The following CCDC9 variants were observed in gnomAD, a reference collection of about 807,000 sequenced individuals.
CCDC9 encodes the protein coiled-coil domain-containing protein 9.
CCDC9 carries 52 observed loss-of-function variants against 65.6 expected under a neutral mutation model. The observed-to-expected ratio is 0.79, with a 90% CI of 0.63 to 1.00. CCDC9 has a LOEUF of 1.00. Ranked by LOEUF, CCDC9 falls within the 50% of genes least tolerant of loss-of-function variation. The probability of loss-of-function intolerance (pLI) is 0.00; values close to 1 mark genes in which losing one functional copy is unlikely to be tolerated. For synonymous variants in CCDC9, 332 were observed against 280.3 expected, an observed-to-expected ratio of 1.18 and a Z score of -1.84; for missense variants, 834 against 757.2, an observed-to-expected ratio of 1.10 and a Z score of -1.19.
At position 47,258,574 on chromosome 19, in the gene CCDC9, T is replaced by G; in HGVS notation, c.19T>G (p.Leu7Val). The change falls in exon 3 of 12, where the codon TTG becomes GTG. Residue 7 changes from leucine to valine, a missense_variant. By Grantham distance (32) the Leu-to-Val change is conservative. Transcript: ENST00000221922. MAATLD[L>V]KSKEEKDAEL... ...CCGGTCTCAGGCAGCCACACTCGAT[T>G]TGAAATCAAAGGAGGAGAAGGATGC... is the stretch of plus-strand genomic sequence containing the variant. 1.2e-6 allele frequency: 2 copies of G among 1,614,086 alleles called. No homozygotes were observed. Among genetic ancestry groups the G allele is most frequent in the Non-Finnish European group, 1.7e-6 (2 of 1,179,966 alleles).
At position 47,264,644 on chromosome 19, in the gene CCDC9, TGAG is replaced by T; in HGVS notation, c.508_510del (p.Glu170del). ...GCAGGCAGAACATTGAGAAGATGAA[TGAG>T]GAGATGGAGAAGATCGCCGAGTATG... On this transcript the variant is annotated inframe_deletion, in exon 6 of 12. Coordinates refer to ENST00000221922, the MANE Select transcript of CCDC9 (RefSeq NM_015603.3). 2 of 1,604,828 alleles carry T rather than the reference TGAG, an allele frequency of 1.2e-6. No homozygotes were observed. Among genetic ancestry groups the T allele is most frequent in the Non-Finnish European group, 1.7e-6 (2 of 1,175,910 alleles).
rs2059070602 is a variant in CCDC9 at position 47,264,873 on chromosome 19, G to A, written c.647G>A (p.Ser216Asn). Reference sequence around the variant, plus strand: ...TCTGAGCGGGACCGCCGGGAGGAGAGCCGCCGGCACGGCCGCAACTGGGGG... The same window carrying A: ...TCTGAGCGGGACCGCCGGGAGGAGAACCGCCGGCACGGCCGCAACTGGGGG... ...EESERDRREE[S>N]RRHGRNWGGP... The change falls in exon 7 of 12, where the codon AGC becomes AAC. Residue 216 changes from serine (S) to asparagine (N), a missense_variant. Ser to Asn is a conservative substitution (Grantham distance 46, BLOSUM62 1). Transcript: ENST00000221922. 2.2e-5 allele frequency: 33 copies of A among 1,484,196 alleles called. 1 individual carries two copies. Among genetic ancestry groups the A allele is most frequent in the Non-Finnish European group, 2.9e-5 (33 of 1,119,784 alleles). 91.9% of individuals were successfully genotyped at this position (1,484,196 alleles called of 1,614,324 possible). A position where few individuals can be genotyped will look rare whatever the true frequency, so the allele number is the denominator to read the frequency against.
rs2059036620 is a variant in CCDC9 at position 47,260,317 on chromosome 19, C to G, written c.109-4C>G. On this transcript the variant is annotated splice_region_variant and splice_polypyrimidine_tract_variant and intron_variant, in intron 3 of 11. Transcript: ENST00000221922. The stretch of plus-strand genomic sequence containing the variant: ...GCTTCCCTACCCCGGCTGTCTGCTC[C>G]TAGGAGATTGAGGAAGACCGTAAGA... The G allele has an allele frequency of 1.3e-6, 2 of 1,577,648 alleles. No homozygotes were observed. The highest frequency in any genetic ancestry group is 4.6e-5 in the East Asian group (2 of 43,096).
In CCDC9 at chr19:47,271,313, G is replaced by A. The variant is rs756329425; in HGVS notation, c.1231G>A (p.Asp411Asn). 2 of 1,612,470 alleles carry A rather than the reference G, an allele frequency of 1.2e-6. No homozygotes were observed. Among genetic ancestry groups the A allele is most frequent in the South Asian group, 1.1e-5 (1 of 90,836 alleles). Reference protein sequence around the residue: ...IPAPAHRPPEDEGEENEGEED... With the variant: ...IPAPAHRPPENEGEENEGEED... Reference sequence around the variant, plus strand: ...AGCTCCTGCCCACCGGCCTCCTGAAGACGAGGGGGAAGAGAATGAGGGGGA... The same window carrying A: ...AGCTCCTGCCCACCGGCCTCCTGAAAACGAGGGGGAAGAGAATGAGGGGGA... Residue 411 changes from aspartate to asparagine, a missense_variant, in exon 12 of 12, where the codon GAC becomes AAC. By Grantham distance (23) the Asp-to-Asn change is conservative. Coordinates refer to ENST00000221922, the MANE Select transcript of CCDC9 (RefSeq NM_015603.3).
intron 8 of CCDC9, among the ~76,000 whole-genome samples, chr19:47,270,170 T>A (rs757811550): frequency 6.6e-6 from 1 of 152,102 alleles, no homozygotes; most frequent in African/African-American, 2.4e-5. Flanking sequence ...GGCTTCACCA[T>A]GTTCACCACG....
downstream of CCDC9, chr19:47,273,942 C>A: frequency 1.0e-6 from 1 of 982,088 alleles, no homozygotes; most frequent in Non-Finnish European, 1.2e-6. Context: ...CCTTCTGATC[C>A]GTCTTCCCTC....
At chr19:47,263,410 CT>C (rs1336014037) in intron 5 of CCDC9, among the ~76,000 whole-genome samples, 2 of 152,162 alleles carry the variant, frequency 1.3e-5, no homozygotes, top group African/African-American at 4.8e-5. Flanking sequence ...TCCAAGAGTC[CT>C]TTCCCTGTGG....
downstream of CCDC9, chr19:47,271,980 AC>A: frequency 8.0e-7 from 1 of 1,251,508 alleles, no homozygotes; most frequent in South Asian, 3.6e-5. Context: ...GTGTCCTTGA[AC>A]CCCCTTCAAC....
At chr19:47,258,882 T>C (rs142647619) in intron 3 of CCDC9, among the ~76,000 whole-genome samples, 1 of 152,260 alleles carries the variant, frequency 6.6e-6, no homozygotes, top group East Asian at 1.9e-4. Context: ...CAGTGCTGAG[T>C]GGTGCTGGGG....
downstream of CCDC9, chr19:47,272,109 C>G: frequency 1.6e-6 from 2 of 1,235,906 alleles, no homozygotes; most frequent in Non-Finnish European, 2.0e-6. Flanking sequence ...AGAGTGGGCC[C>G]AGCCTCCGAG....
chr19:47,275,640 C>T (rs1301988248), downstream of CCDC9: 11 of 461,394 alleles, frequency 2.4e-5, no homozygotes, highest in African/African-American at 1.7e-4. Context: ...AGCCCATCTG[C>T]CTCTTCACCT....
chr19:47,262,463 C>G (rs1031196206), intron 5 of CCDC9, among the ~76,000 whole-genome samples: 1 of 152,104 alleles, frequency 6.6e-6, no homozygotes, highest in African/African-American at 2.4e-5. Context: ...GTGATCCTAC[C>G]GCCTCGGCCT....
At position 47,260,664 on chromosome 19, in the gene CCDC9, C is replaced by G; in HGVS notation, c.287C>G (p.Pro96Arg). ...PPGASKGGRTPPQQGGRAGMG... is the reference protein window; with the variant it reads ...PPGASKGGRTRPQQGGRAGMG... Reference sequence around the variant, plus strand: ...GGGGCCAGCAAGGGGGGCCGGACTCCTCCACAGCAGGGAGGCCGGGCCGGC... The same window carrying G: ...GGGGCCAGCAAGGGGGGCCGGACTCGTCCACAGCAGGGAGGCCGGGCCGGC... Residue 96 changes from proline (P) to arginine (R), a missense_variant, in exon 5 of 12, where the codon CCT (proline) becomes CGT (arginine). Physicochemically the swap from Pro to Arg is moderately radical, Grantham distance 103. Coordinates refer to ENST00000221922, the MANE Select transcript of CCDC9 (RefSeq NM_015603.3). The G allele has an allele frequency of 6.5e-7, 1 of 1,534,336 alleles. No homozygotes were observed. Among genetic ancestry groups the G allele is most frequent in the South Asian group, 1.3e-5 (1 of 78,098 alleles).
intron 8 of CCDC9, among the ~76,000 whole-genome samples, chr19:47,267,875 T>C (rs566470755): frequency 8.6e-5 from 13 of 151,224 alleles, no homozygotes; most frequent in African/African-American, 3.2e-4. Context: ...TGAGACGGAG[T>C]CTCGCACTGT....
Position 47,270,637 on chromosome 19 carries a change from G to C in CCDC9, c.1034G>C (p.Arg345Thr). 1 of 1,612,860 alleles carries C rather than the reference G, an allele frequency of 6.2e-7. No individual in the cohort carries two copies. The highest frequency in any genetic ancestry group is 1.3e-5 in the African/African-American group (1 of 75,022). The change falls in exon 10 of 12, where the codon AGA becomes ACA. Residue 345 changes from arginine to threonine, a missense_variant. Coordinates refer to ENST00000221922, the MANE Select transcript of CCDC9 (RefSeq NM_015603.3). Reference sequence around the variant, plus strand: ...CACAAAGCTGAGGCCAGCAGCCGCAGAAGGAGAAAGAGCAGTCGGCCCCAG... The same window carrying C: ...CACAAAGCTGAGGCCAGCAGCCGCACAAGGAGAAAGAGCAGTCGGCCCCAG... ...SQHKAEASSR[R>T]RRKSSRPQAK...
At position 47,271,313 on chromosome 19, in the gene CCDC9, G is replaced by C. The variant is rs756329425; in HGVS notation, c.1231G>C (p.Asp411His). 1 of 1,612,588 alleles carries C rather than the reference G, an allele frequency of 6.2e-7. No individual in the cohort carries two copies. Among genetic ancestry groups the C allele is most frequent in the Non-Finnish European group, 8.5e-7 (1 of 1,179,344 alleles). Residue 411 changes from aspartate (D) to histidine (H), a missense_variant, in exon 12 of 12, where the codon GAC becomes CAC. Asp to His is a moderately conservative substitution (Grantham distance 81). Coordinates refer to ENST00000221922, the MANE Select transcript of CCDC9 (RefSeq NM_015603.3). ...IPAPAHRPPEDEGEENEGEED... is the reference protein window; with the variant it reads ...IPAPAHRPPEHEGEENEGEED... ...AGCTCCTGCCCACCGGCCTCCTGAA[G>C]ACGAGGGGGAAGAGAATGAGGGGGA...
In CCDC9 at chr19:47,262,302, C is replaced by T. The variant is rs577508712; in HGVS notation, c.462+1463C>T. On this transcript the variant is annotated intron_variant, in intron 5 of 11. Transcript: ENST00000221922. ...CATGATCTTGGCTCACTGCAACCTC[C>T]GCCTCCTGGGTTCAAGCAATTCTTG... 8.6e-5 allele frequency among the ~76,000 whole-genome samples: 13 copies of T among 151,206 alleles called. No individual in the cohort carries two copies. The South Asian group carries it at 1.0e-3, about 12-fold the overall frequency.
rs756559161 is a variant in CCDC9, at chr19:47,264,704, C to A, written c.546+18C>A. 3 of 1,602,446 alleles carry A rather than the reference C, an allele frequency of 1.9e-6. No individual in the cohort carries two copies. The highest frequency in any genetic ancestry group is 2.6e-6 in the Non-Finnish European group (3 of 1,174,872). On this transcript the variant is annotated intron_variant, in intron 6 of 11. Transcript: ENST00000221922. The stretch of plus-strand genomic sequence containing the variant: ...ACCAGCGGGTCAGTGGTGCGGGTGT[C>A]CCCGAGGCAGGGCCGAGCTGCCTGG...
downstream of CCDC9, chr19:47,273,252 G>A: frequency 1.6e-6 from 1 of 634,972 alleles, no homozygotes; most frequent in Non-Finnish European, 2.3e-6. Flanking sequence ...TGTGGCAAGG[G>A]CTCGAACTGG....
Sources: gnomAD v4.1 joint callset for allele counts (sites outside exome capture counted in the v4.1 genomes callset) on GRCh38, gnomAD v4.1.1 for gene constraint, MANE v1.5 for transcripts, NCBI Gene and HGNC (gene_info 2026-07-23, HGNC 2026-07-21) for gene names.